CMIP: variants seen among roughly 807,000 people sequenced by gnomAD.
The protein encoded by CMIP is C-Maf-inducing protein.
A neutral mutation model predicts 97.3 loss-of-function variants in CMIP; 13 were observed. The observed-to-expected ratio is 0.13, with a 90% CI of 0.09 to 0.21. The LOEUF is 0.21. Among genes scored for constraint, CMIP ranks in the 10% least tolerant of loss-of-function variants. CMIP has a pLI of 1.00. For synonymous variants in CMIP, 538 were observed against 436.3 expected, an observed-to-expected ratio of 1.23 and a Z score of -2.91; for missense variants, 847 against 1,024.9, an observed-to-expected ratio of 0.83 and a Z score of 2.37.
At chr16:81,699,913 G>T in intron 15 of CMIP, 112 bp downstream of exon 15, 1 of 697,502 alleles carries the variant, frequency 1.4e-6, no homozygotes, top group Non-Finnish European at 2.5e-6. Context: ...GGGGCAGTGG[G>T]TGAGGCGTGC....
chr16:81,530,471 C>T (rs966972898), intron 1 of CMIP, among the ~76,000 whole-genome samples: 7 of 151,874 alleles, frequency 4.6e-5, no homozygotes, highest in Admixed American at 6.6e-5. Context: ...GGTGGGAGGA[C>T]GTGTCTTTTG....
Position 81,453,185 on chromosome 16 carries a change from A to G in CMIP, c.300+7644A>G, listed in dbSNP as rs1263725189. Among the ~76,000 whole-genome samples, 1 of 152,168 alleles carries G rather than the reference A, an allele frequency of 6.6e-6. No homozygotes were observed. The highest frequency in any genetic ancestry group is 1.5e-5 in the Non-Finnish European group (1 of 68,038). ...ACCCAGACTCCTGCCTTCCCATGGC[A>G]TCCTTTGTTCGTGGCTCTACTGCTT... On this transcript the variant is annotated intron_variant, in intron 1 of 20. Coordinates refer to ENST00000537098, the MANE Select transcript of CMIP (RefSeq NM_198390.3). The surrounding 1 kb of genome is among the most constrained non-coding windows in gnomAD (Gnocchi z 4.0).
chr16:81,633,003 A>G lies in CMIP; in HGVS notation c.477+12077A>G, dbSNP rs559858638. Among the ~76,000 whole-genome samples, 16 of 151,146 alleles carry G rather than the reference A, an allele frequency of 1.1e-4. 1 individual carries two copies. In the East Asian group the frequency reaches 2.5e-3, roughly 24 times the overall value. On this transcript the variant is annotated intron_variant, in intron 3 of 20. Transcript: ENST00000537098. ...CGTTTCTTTGGGCAAGGAAGGGGGGACCCGAGCGTTCGTGTGTCATCCAGC... is the reference window on the plus strand; with the variant it reads ...CGTTTCTTTGGGCAAGGAAGGGGGGGCCCGAGCGTTCGTGTGTCATCCAGC...
At chr16:81,489,017 A>G (rs899527418) in intron 1 of CMIP, among the ~76,000 whole-genome samples, 10 of 148,408 alleles carry the variant, frequency 6.7e-5, no homozygotes, top group African/African-American at 2.5e-4. Context: ...TTCTGCTTTC[A>G]TTCATTCTAT....
chr16:81,700,818 G>A (rs1329376342), intron 15 of CMIP, among the ~76,000 whole-genome samples: 5 of 152,172 alleles, frequency 3.3e-5, no homozygotes, highest in Non-Finnish European at 7.4e-5. Flanking sequence ...GTGGCTGGAT[G>A]GGCATGAAGA....
At chr16:81,644,301 T>C (rs1018094511) in intron 3 of CMIP, among the ~76,000 whole-genome samples, 3 of 152,092 alleles carry the variant, frequency 2.0e-5, no homozygotes, top group Non-Finnish European at 2.9e-5. Flanking sequence ...CCCTGGAAAA[T>C]TGTAGCCAAA....
At chr16:81,567,124 C>G (rs915227628) in intron 1 of CMIP, among the ~76,000 whole-genome samples, 1 of 152,242 alleles carries the variant, frequency 6.6e-6, no homozygotes, top group Non-Finnish European at 1.5e-5. Context: ...CATCCTTCAG[C>G]CATACAGTTT....
rs553509442 is a variant in CMIP at position 81,681,641 on chromosome 16, C to G, written c.1388+3013C>G. ...CGCCGCTTGACCATACTATTGAGGG[C>G]GAGATGCGTCATTGATTCAGTAAGA... On this transcript the variant is annotated intron_variant, in intron 10 of 20. Coordinates refer to ENST00000537098, the MANE Select transcript of CMIP (RefSeq NM_198390.3). 2.6e-5 allele frequency among the ~76,000 whole-genome samples: 4 copies of G among 152,284 alleles called. 1 individual carries two copies. In the Middle Eastern group the frequency reaches 0.01, roughly 388 times the overall value.
chr16:81,706,447 A>G (rs1344972430), intron 19 of CMIP, among the ~76,000 whole-genome samples: 1 of 152,214 alleles, frequency 6.6e-6, no homozygotes, highest in Non-Finnish European at 1.5e-5. Flanking sequence ...GCGCTCGGCC[A>G]GTTTGGCTGC....
chr16:81,572,658 C>G (rs2091113908), intron 1 of CMIP, among the ~76,000 whole-genome samples: 1 of 152,176 alleles, frequency 6.6e-6, no homozygotes, highest in African/African-American at 2.4e-5. Flanking sequence ...GAGCGGGGGT[C>G]TCAAATCCCG....
intron 1 of CMIP, among the ~76,000 whole-genome samples, chr16:81,490,237 A>G (rs1043190875): frequency 6.6e-6 from 1 of 152,250 alleles, no homozygotes; most frequent in Non-Finnish European, 1.5e-5. Flanking sequence ...TGCAAGGAAT[A>G]TAGCATCACA....
intron 3 of CMIP, among the ~76,000 whole-genome samples, chr16:81,640,812 T>A (rs574086914): frequency 6.6e-6 from 1 of 151,600 alleles, no homozygotes; most frequent in Non-Finnish European, 1.5e-5. Flanking sequence ...ACGACGCCAG[T>A]CACTGGATTT....
chr16:81,515,280 A>G (rs2089891037), intron 1 of CMIP, among the ~76,000 whole-genome samples: 1 of 152,220 alleles, frequency 6.6e-6, no homozygotes, highest in African/African-American at 2.4e-5. Context: ...CGAGGCCTCA[A>G]AATGACTCAC....
intron 1 of CMIP, among the ~76,000 whole-genome samples, chr16:81,567,992 G>A (rs2091012573): frequency 6.7e-6 from 1 of 150,210 alleles, no homozygotes; most frequent in South Asian, 2.1e-4. Flanking sequence ...AGGGATGCTG[G>A]GAACTGTAGA....
chr16:81,545,278 G>C (rs538201118), intron 1 of CMIP, among the ~76,000 whole-genome samples: 1 of 152,304 alleles, frequency 6.6e-6, no homozygotes, highest in African/African-American at 2.4e-5. Context: ...GATTTGCTGC[G>C]CTTCTAGAGA....
In CMIP at chr16:81,711,441, G is replaced by A. The variant is rs899352989; in HGVS notation, c.*1642G>A. The A allele has an allele frequency of 1.3e-4, 20 of 151,454 alleles. No homozygotes were observed. Among genetic ancestry groups the A allele is most frequent in the South Asian group, 4.2e-4 (2 of 4,800 alleles). The allele number at this position is 151,454 out of a possible 1,614,324, so 9.4% of individuals were successfully genotyped here. ...CATTTTCCGTGCCAGGTTTTATTTC[G>A]TGTGTGTGTGAGTGTGTTCTGTTTT... is the stretch of plus-strand genomic sequence containing the variant. On this transcript the variant is annotated 3_prime_UTR_variant, in exon 21 of 21. Coordinates refer to ENST00000537098, the MANE Select transcript of CMIP (RefSeq NM_198390.3).
intron 1 of CMIP, among the ~76,000 whole-genome samples, chr16:81,571,812 G>A (rs1164287889): frequency 6.6e-6 from 1 of 152,126 alleles, no homozygotes; most frequent in Non-Finnish European, 1.5e-5. Context: ...CTGCTTCCCT[G>A]GCTGGAAGCC....
chr16:81,579,123 G>A (rs1015278086), intron 1 of CMIP, among the ~76,000 whole-genome samples: 1 of 152,194 alleles, frequency 6.6e-6, no homozygotes, highest in African/African-American at 2.4e-5. Flanking sequence ...CTGTGCCTCA[G>A]TTTCCCCTGC....
intron 1 of CMIP, among the ~76,000 whole-genome samples, chr16:81,447,602 A>G (rs1266769499): frequency 6.6e-6 from 1 of 152,228 alleles, no homozygotes; most frequent in African/African-American, 2.4e-5. Flanking sequence ...ACTGAGGCTT[A>G]TCCATGGAGC....
Sources: allele counts gnomAD v4.1 joint callset (sites outside exome capture counted in the v4.1 genomes callset), GRCh38; gene constraint gnomAD v4.1.1; non-coding constraint Gnocchi (gnomAD v3.1); transcripts MANE v1.5; gene names NCBI Gene and HGNC (gene_info 2026-07-23, HGNC 2026-07-21).